The following MINK1 variants were observed in gnomAD, a reference collection of about 807,000 sequenced individuals.
The protein encoded by MINK1 is misshapen like kinase 1, also known as misshapen-like kinase 1.
MINK1 carries 46 observed loss-of-function variants against 178.4 expected under a neutral mutation model. That is an observed-to-expected ratio of 0.26 (90% confidence interval 0.20 to 0.33). The LOEUF is 0.33. MINK1 is among the 10% of genes least tolerant of loss of function. The pLI is 1.00. For synonymous variants in MINK1, 797 were observed against 709.7 expected, an observed-to-expected ratio of 1.12 and a Z score of -1.96; for missense variants, 1,366 against 1,814.9, an observed-to-expected ratio of 0.75 and a Z score of 4.49.
rs147133822 is a variant in MINK1, at chr17:4,884,051, C to T, written c.307-312C>T. On this transcript the variant is annotated intron_variant, in intron 4 of 31. Transcript: ENST00000355280. ...CTCTTTTTTTTTTTTTTTTTTGAGACGGAGTCTTGCTCACCATGTTGGCCA... is the reference window on the plus strand; with the variant it reads ...CTCTTTTTTTTTTTTTTTTTTGAGATGGAGTCTTGCTCACCATGTTGGCCA... Among the ~76,000 whole-genome samples the T allele has an allele frequency of 1.4e-3, 184 of 134,858 alleles. 2 individuals are homozygous for T. The East Asian group carries it at 0.034, about 25-fold the overall frequency. 88.5% of individuals were successfully genotyped at this position (134,858 alleles called of 152,430 possible).
At chr17:4,878,587 C>G (rs1393098943) in intron 2 of MINK1, among the ~76,000 whole-genome samples, 1 of 152,172 alleles carries the variant, frequency 6.6e-6, no homozygotes, top group Non-Finnish European at 1.5e-5. Context: ...GAGTGCAGAG[C>G]CAGTCCCGGA....
rs774819395 is a variant in MINK1 at position 4,895,838 on chromosome 17, G to A, written c.3364+6G>A. The A allele has an allele frequency of 1.1e-5, 17 of 1,613,124 alleles. 1 individual carries two copies. In the South Asian group the frequency reaches 1.9e-4, roughly 18 times the overall value. On this transcript the variant is annotated splice_donor_region_variant and intron_variant, in intron 27 of 31. Transcript: ENST00000355280. The surrounding 1 kb of genome is among the most constrained non-coding windows in gnomAD (Gnocchi z 4.3). ...CTGCGGGCACTACCGTGTTGGTGAG[G>A]ATGTCCCAACAGAGTGGCCAGCGCA...
In MINK1 at chr17:4,884,431, G is replaced by T. The variant is rs1567604617; in HGVS notation, c.375G>T (p.Leu125=). 2 of 1,613,972 alleles carry T rather than the reference G, an allele frequency of 1.2e-6. No homozygotes were observed. The highest frequency in any genetic ancestry group is 1.7e-6 in the Non-Finnish European group (2 of 1,179,878). The change falls in exon 5 of 32, where the codon CTG becomes CTT. Residue 125 remains leucine (L), a synonymous_variant. Coordinates refer to ENST00000355280, the MANE Select transcript of MINK1 (RefSeq NM_153827.5). The part of the protein sequence containing the change: ...DLVKNTKGNA[L]KEDCIAYICR... ...TAAAGAACACAAAAGGCAACGCCCT[G>T]AAGGAGGACTGTATCGCCTATATCT... is the stretch of plus-strand genomic sequence containing the variant.
chr17:4,887,564 T>C lies in MINK1; in HGVS notation c.1020-16T>C, dbSNP rs1342168772. On this transcript the variant is annotated splice_polypyrimidine_tract_variant and intron_variant, in intron 11 of 31. Coordinates refer to ENST00000355280, the MANE Select transcript of MINK1 (RefSeq NM_153827.5). The surrounding 1 kb of genome is among the most constrained non-coding windows in gnomAD (Gnocchi z 7.6). ...GGGTTCTGACCCCAGTGCTTCTTTG[T>C]GCCACCCCTGCCCAGCTCCATCATG... 3 of 1,489,248 alleles carry C rather than the reference T, an allele frequency of 2.0e-6. No individual in the cohort carries two copies. Among genetic ancestry groups the C allele is most frequent in the Non-Finnish European group, 1.8e-6 (2 of 1,119,662 alleles). 92.3% of individuals were successfully genotyped at this position (1,489,248 alleles called of 1,614,324 possible). A position where few individuals can be genotyped will look rare whatever the true frequency, so the allele number is the denominator to read the frequency against.
intron 1 of MINK1, among the ~76,000 whole-genome samples, chr17:4,842,065 C>CA (rs1048245278): frequency 8.6e-5 from 13 of 151,060 alleles, no homozygotes; most frequent in African/African-American, 2.2e-4. Context: ...ACTAAAAATA[C>CA]AAAAAAAAAT....
At chr17:4,891,171 G>C in intron 15 of MINK1, 47 bp downstream of exon 15, 1 of 1,433,178 alleles carries the variant, frequency 7.0e-7, no homozygotes, top group Non-Finnish European at 9.3e-7. Context: ...AGGGAGCTTT[G>C]TTCAGAGCAC....
At chr17:4,867,227 AG>A (rs978512342) in intron 1 of MINK1, among the ~76,000 whole-genome samples, 15 of 134,938 alleles carry the variant, frequency 1.1e-4, no homozygotes, top group Non-Finnish European at 2.1e-4. Flanking sequence ...AGCTCACTGT[AG>A]GCTCATCCTC....
intron 1 of MINK1, among the ~76,000 whole-genome samples, chr17:4,860,259 T>G (rs572698415): frequency 6.6e-6 from 1 of 152,296 alleles, no homozygotes; most frequent in East Asian, 1.9e-4. Context: ...GTCCACCTCT[T>G]TCATTCTGGA....
chr17:4,886,382 C>T lies in MINK1; in HGVS notation c.774-69C>T. On this transcript the variant is annotated intron_variant, in intron 9 of 31. Transcript: ENST00000355280. This position sits in a 1 kb window ranked among gnomAD's most constrained non-coding sequence, Gnocchi z 6.1. ...TCAAGGTGGCTTGTGGATGAATGAT[C>T]CACCCTCTTCCTCCTGCACCCATCC... 6.5e-7 allele frequency: 1 copy of T among 1,545,258 alleles called. No individual in the cohort carries two copies. The highest frequency in any genetic ancestry group is 2.3e-5 in the East Asian group (1 of 44,360).
At position 4,894,405 on chromosome 17, in the gene MINK1, G is replaced by A; in HGVS notation, c.2808+94G>A. 2 of 1,541,768 alleles carry A rather than the reference G, an allele frequency of 1.3e-6. No individual in the cohort carries two copies. Among genetic ancestry groups the A allele is most frequent in the East Asian group, 2.4e-5 (1 of 41,360 alleles). Reference sequence around the variant, plus strand: ...GGGTAACGGCAGAGGATGGGGCGGAGCGCTGGGAGCTGGACAGCGGGGGTG... The same window carrying A: ...GGGTAACGGCAGAGGATGGGGCGGAACGCTGGGAGCTGGACAGCGGGGGTG... On this transcript the variant is annotated intron_variant, in intron 23 of 31. Transcript: ENST00000355280. This position sits in a 1 kb window ranked among gnomAD's most constrained non-coding sequence, Gnocchi z 4.1.
intron 1 of MINK1, among the ~76,000 whole-genome samples, chr17:4,839,073 A>G (rs1909757963): frequency 6.6e-6 from 1 of 151,894 alleles, no homozygotes; most frequent in Middle Eastern, 3.2e-3. Context: ...CCTCCCGAGT[A>G]GCTGGGACTA....
intron 1 of MINK1, among the ~76,000 whole-genome samples, chr17:4,869,659 G>T (rs1915595716): frequency 6.6e-6 from 1 of 151,572 alleles, no homozygotes; most frequent in African/African-American, 2.4e-5. Flanking sequence ...TGAGGAACCT[G>T]CTTACTGTTG....
intron 1 of MINK1, among the ~76,000 whole-genome samples, chr17:4,844,269 G>T (rs1256890642): frequency 6.6e-6 from 1 of 152,106 alleles, no homozygotes; most frequent in Admixed American, 6.6e-5. Context: ...CCAAAGTGCT[G>T]GGATTACAAA....
At position 4,895,259 on chromosome 17, in the gene MINK1, A is replaced by G; in HGVS notation, c.3085+17A>G. On this transcript the variant is annotated intron_variant, in intron 25 of 31. Transcript: ENST00000355280. The surrounding 1 kb of genome is among the most constrained non-coding windows in gnomAD (Gnocchi z 4.3). ...CCCTTTGGGGTAAGCCAGGGCAGGGACAGCTGAGGAGGCTCTGGCGTGGCT... is the reference window on the plus strand; with the variant it reads ...CCCTTTGGGGTAAGCCAGGGCAGGGGCAGCTGAGGAGGCTCTGGCGTGGCT... 2 of 1,613,692 alleles carry G rather than the reference A, an allele frequency of 1.2e-6. No individual in the cohort carries two copies. Among genetic ancestry groups the G allele is most frequent in the South Asian group, 1.1e-5 (1 of 91,052 alleles).
At chr17:4,864,942 G>T (rs1208242740) in intron 1 of MINK1, among the ~76,000 whole-genome samples, 1 of 152,144 alleles carries the variant, frequency 6.6e-6, no homozygotes, top group South Asian at 2.1e-4. Context: ...CCTCGGTCAG[G>T]TGTGCTCTCT....
intron 2 of MINK1, among the ~76,000 whole-genome samples, chr17:4,879,853 C>T (rs536697463): frequency 1.3e-5 from 2 of 152,298 alleles, no homozygotes; most frequent in South Asian, 4.1e-4. Context: ...CTTTCCCTAT[C>T]GACAAGAATA....
At chr17:4,837,315 A>C (rs1333553962) in intron 1 of MINK1, among the ~76,000 whole-genome samples, 1 of 152,228 alleles carries the variant, frequency 6.6e-6, no homozygotes, top group Non-Finnish European at 1.5e-5. Flanking sequence ...TTTGTTGCAG[A>C]AGTGCCTCTT....
chr17:4,847,229 A>AGTTC (rs780364130), intron 1 of MINK1: 24 of 457,370 alleles, frequency 5.2e-5, no homozygotes, highest in Non-Finnish European at 5.2e-5. Flanking sequence ...TTTTGGTTCC[A>AGTTC]GTTCATTCAT....
At chr17:4,854,757 C>T in intron 1 of MINK1, 1 of 494,490 alleles carries the variant, frequency 2.0e-6, no homozygotes, top group South Asian at 1.5e-5. Flanking sequence ...ACACAGGTAG[C>T]CATCGATAGA....
Sources: gnomAD v4.1 joint callset for allele counts (sites outside exome capture counted in the v4.1 genomes callset) on GRCh38, gnomAD v4.1.1 for gene constraint, Gnocchi (gnomAD v3.1) non-coding constraint, MANE v1.5 for transcripts, NCBI Gene and HGNC (gene_info 2026-07-23, HGNC 2026-07-21) for gene names.